Variants in CDH13 observed in about 807,000 individuals in gnomAD.
CDH13 encodes the protein cadherin 13.
Under a neutral mutation model 63.8 loss-of-function variants are expected in CDH13, and 24 were observed. That is an observed-to-expected ratio of 0.38 (90% CI 0.27 to 0.53). CDH13 has a LOEUF of 0.53. Among genes scored for constraint, CDH13 ranks in the 20% least tolerant of loss-of-function variants. CDH13 has a pLI of 0.85. For missense variants in CDH13, 1,049 were observed against 903.1 expected (o/e 1.16, Z -2.07); for synonymous variants, 503 against 355.3 (o/e 1.42, Z -4.67).
chr16:82,663,742 T>A (rs1316247187), intron 1 of CDH13, among the ~76,000 whole-genome samples: 1 of 152,196 alleles, frequency 6.6e-6, no homozygotes, highest in Non-Finnish European at 1.5e-5. Context: ...ATTTGGTTTC[T>A]AGGTCCAGCC....
intron 6 of CDH13, among the ~76,000 whole-genome samples, chr16:83,366,230 C>G (rs143703217): frequency 1.3e-5 from 2 of 152,140 alleles, no homozygotes; most frequent in African/African-American, 4.8e-5. Flanking sequence ...TACCAACTTA[C>G]AATTTTCAAG....
At chr16:83,517,189 C>G (rs566317844) in intron 7 of CDH13, among the ~76,000 whole-genome samples, 1 of 152,112 alleles carries the variant, frequency 6.6e-6, no homozygotes, top group Non-Finnish European at 1.5e-5. Context: ...AGCAGCAGGT[C>G]ATACTCAGCT....
chr16:83,166,256 T>C (rs2037663159), intron 4 of CDH13, among the ~76,000 whole-genome samples: 1 of 152,114 alleles, frequency 6.6e-6, no homozygotes, highest in Non-Finnish European at 1.5e-5. Context: ...AATTGAGGTA[T>C]GAAATACCAG....
chr16:83,106,554 C>T (rs1567835577), intron 3 of CDH13, among the ~76,000 whole-genome samples: 1 of 152,014 alleles, frequency 6.6e-6, no homozygotes, highest in Admixed American at 6.6e-5. Context: ...CAAAACAAAA[C>T]AAAACAATAC....
chr16:82,765,225 C>G (rs536839866), intron 1 of CDH13, among the ~76,000 whole-genome samples: 1 of 152,294 alleles, frequency 6.6e-6, no homozygotes, highest in South Asian at 2.1e-4. Context: ...CTCTGATTCA[C>G]AGTGAATTTC....
At chr16:82,654,057 T>A (rs1040077740) in intron 1 of CDH13, among the ~76,000 whole-genome samples, 5 of 152,144 alleles carry the variant, frequency 3.3e-5, no homozygotes, top group Admixed American at 2.6e-4. Flanking sequence ...TGAGAGAGGA[T>A]TCCCCTTATG....
At chr16:83,618,831 TAAA>T (rs11429729) in intron 8 of CDH13, among the ~76,000 whole-genome samples, 1 of 148,276 alleles carries the variant, frequency 6.7e-6, no homozygotes, top group Non-Finnish European at 1.5e-5. Context: ...TCCTGTGAGT[TAAA>T]AAAAAAAATG....
intron 4 of CDH13, among the ~76,000 whole-genome samples, chr16:83,153,131 C>T (rs2037060866): frequency 6.6e-6 from 1 of 152,162 alleles, no homozygotes; most frequent in Non-Finnish European, 1.5e-5. Flanking sequence ...TTTATTATTA[C>T]TCCAATCAAT....
rs2092056480 is a variant in CDH13 at position 83,406,902 on chromosome 16, G to A, written c.781+61896G>A. ...GTTTGAAAGAGATAATGTATACAAA[G>A]TATCTTATACATTGTCCATAGCTAC... On this transcript the variant is annotated intron_variant, in intron 6 of 13. Coordinates refer to ENST00000567109, the MANE Select transcript of CDH13 (RefSeq NM_001257.5). Among the ~76,000 whole-genome samples the A allele has an allele frequency of 2.0e-5, 3 of 152,180 alleles. No homozygotes were observed. In the South Asian group the frequency reaches 6.2e-4, roughly 32 times the overall value.
At chr16:83,154,990 C>A (rs1431885890) in intron 4 of CDH13, among the ~76,000 whole-genome samples, 1 of 152,064 alleles carries the variant, frequency 6.6e-6, no homozygotes, top group Non-Finnish European at 1.5e-5. Context: ...GAAAAATAAA[C>A]CTAGGTCAAT....
chr16:82,823,717 G>T (rs2038112789), intron 1 of CDH13: 1 of 152,120 alleles, frequency 6.6e-6, no homozygotes. Flanking sequence ...GTATAATATT[G>T]TGTGTATTGA....
chr16:83,431,481 C>T (rs1220566957), intron 6 of CDH13, among the ~76,000 whole-genome samples: 1 of 151,802 alleles, frequency 6.6e-6, no homozygotes, highest in Non-Finnish European at 1.5e-5. Flanking sequence ...TGTATCAGTC[C>T]GTTCTTGCAT....
At chr16:82,725,211 G>A (rs2033026669) in intron 1 of CDH13, among the ~76,000 whole-genome samples, 1 of 100,952 alleles carries the variant, frequency 9.9e-6, no homozygotes, top group African/African-American at 3.5e-5. Context: ...ATGTTTTCCT[G>A]CTGTTTCCCT....
chr16:82,992,612 A>G (rs1041375233), intron 2 of CDH13, among the ~76,000 whole-genome samples: 1 of 152,234 alleles, frequency 6.6e-6, no homozygotes, highest in African/African-American at 2.4e-5. Context: ...TGTATGATCA[A>G]TAAATTGGTC....
At chr16:83,334,368 C>CACAG in intron 5 of CDH13, among the ~76,000 whole-genome samples, 4 of 76,568 alleles carry the variant, frequency 5.2e-5, no homozygotes, top group Non-Finnish European at 1.1e-4. Context: ...CTCTCACACA[C>CACAG]ACACACACAC....
intron 3 of CDH13, among the ~76,000 whole-genome samples, chr16:83,058,431 C>A (rs572086611): frequency 1.3e-5 from 2 of 152,272 alleles, no homozygotes; most frequent in African/African-American, 4.8e-5. Context: ...CATGGGGGTA[C>A]CAAATAATTC....
intron 11 of CDH13, among the ~76,000 whole-genome samples, chr16:83,770,136 G>A (rs892160694): frequency 2.0e-5 from 3 of 152,130 alleles, no homozygotes; most frequent in Admixed American, 6.5e-5. Flanking sequence ...AGAACCACGC[G>A]TGGCTCATGT....
At chr16:83,628,095 C>G (rs1263523956) in intron 8 of CDH13, among the ~76,000 whole-genome samples, 1 of 152,176 alleles carries the variant, frequency 6.6e-6, no homozygotes, top group Non-Finnish European at 1.5e-5. Flanking sequence ...TTTACTGCAA[C>G]CTATTTTATC....
chr16:83,192,827 G>A (rs937789846), intron 4 of CDH13, among the ~76,000 whole-genome samples: 20 of 152,210 alleles, frequency 1.3e-4, no homozygotes, highest in East Asian at 3.9e-4. Context: ...TGGGTGGAAC[G>A]GCCATTGCAA....
Sources: gnomAD v4.1 joint callset for allele counts (sites outside exome capture counted in the v4.1 genomes callset) on GRCh38, gnomAD v4.1.1 for gene constraint, MANE v1.5 for transcripts, NCBI Gene and HGNC (gene_info 2026-07-23, HGNC 2026-07-21) for gene names.